The following CDX1 variants were observed in gnomAD, a reference collection of about 807,000 sequenced individuals.
The protein encoded by CDX1 is homeobox protein CDX-1.
CDX1 carries 9 observed loss-of-function variants against 16.9 expected under a neutral mutation model. The observed-to-expected ratio is 0.53, with a 90% CI of 0.32 to 0.93. CDX1 has a LOEUF of 0.93. Ranked by LOEUF, CDX1 falls within the 40% of genes least tolerant of loss-of-function variation. The pLI is 0.04. For synonymous variants in CDX1, 179 were observed against 179.0 expected (o/e 1.00, Z 0.00); for missense variants, 393 against 386.1 (o/e 1.02, Z -0.15).
chr5:150,179,782 G>C (rs1162846423), intron 1 of CDX1, among the ~76,000 whole-genome samples: 1 of 152,198 alleles, frequency 6.6e-6, no homozygotes, highest in Non-Finnish European at 1.5e-5. Flanking sequence ...CCCTCACCAT[G>C]GTCTGGGCTC....
intron 1 of CDX1, among the ~76,000 whole-genome samples, chr5:150,169,850 A>G (rs1761480935): frequency 6.6e-6 from 1 of 151,982 alleles, no homozygotes; most frequent in Non-Finnish European, 1.5e-5. Flanking sequence ...GTTAGAGACC[A>G]CACATGTAGA....
chr5:150,177,035 G>A (rs549169839), intron 1 of CDX1, among the ~76,000 whole-genome samples: 42 of 152,366 alleles, frequency 2.8e-4, no homozygotes, highest in African/African-American at 9.9e-4. Flanking sequence ...CCACACACCC[G>A]GCAGGAAGAG....
chr5:150,176,127 C>T (rs141628707), intron 1 of CDX1, among the ~76,000 whole-genome samples: 124 of 152,320 alleles, frequency 8.1e-4, no homozygotes, highest in African/African-American at 2.9e-3. Flanking sequence ...TAGAGTGTGA[C>T]GCTGCTACAA....
chr5:150,182,885 C>T lies in CDX1; in HGVS notation c.563C>T (p.Ala188Val). The T allele has an allele frequency of 6.2e-7, 1 of 1,611,872 alleles. No individual in the cohort carries two copies. Among genetic ancestry groups the T allele is most frequent in the Non-Finnish European group, 8.5e-7 (1 of 1,178,886 alleles). Reference sequence around the variant, plus strand: ...ACAATCCGGCGGAAATCAGAGCTGGCTGCCAATCTGGGGCTCACTGAACGG... The same window carrying T: ...ACAATCCGGCGGAAATCAGAGCTGGTTGCCAATCTGGGGCTCACTGAACGG... ...YITIRRKSEL[A>V]ANLGLTERQV... is the part of the protein sequence containing the mutation. The change falls in exon 2 of 3, where the codon GCT becomes GTT. Residue 188 changes from alanine to valine, a missense_variant. By Grantham distance (64) the Ala-to-Val change is moderately conservative. Coordinates refer to ENST00000231656, the MANE Select transcript of CDX1 (RefSeq NM_001804.3).
chr5:150,179,310 C>A (rs1761611250), intron 1 of CDX1, among the ~76,000 whole-genome samples: 1 of 152,214 alleles, frequency 6.6e-6, no homozygotes, highest in Non-Finnish European at 1.5e-5. Context: ...CCCACCAGCT[C>A]CTCTCCAGAG....
Position 150,182,790 on chromosome 5 carries a change from G to T in CDX1, c.468G>T (p.Lys156Asn). The T allele has an allele frequency of 2.5e-6, 4 of 1,600,998 alleles. No individual in the cohort carries two copies. The highest frequency in any genetic ancestry group is 3.4e-6 in the Non-Finnish European group (4 of 1,174,440). ...CAGGTAAGACTCGGACCAAGGACAAGTACCGCGTGGTCTACACCGACCACC... is the reference window on the plus strand; with the variant it reads ...CAGGTAAGACTCGGACCAAGGACAATTACCGCGTGGTCTACACCGACCACC... ...GGSGKTRTKDKYRVVYTDHQR... is the reference protein window; with the variant it reads ...GGSGKTRTKDNYRVVYTDHQR... The change falls in exon 2 of 3, where the codon AAG (lysine) becomes AAT (asparagine). Residue 156 changes from lysine to asparagine, a missense_variant. Transcript: ENST00000231656.
At position 150,166,942 on chromosome 5, in the gene CDX1, C is replaced by G; in HGVS notation, c.66C>G (p.Ser22Arg). 6.6e-7 allele frequency: 1 copy of G among 1,504,300 alleles called. No individual in the cohort carries two copies. The highest frequency in any genetic ancestry group is 8.8e-7 in the Non-Finnish European group (1 of 1,133,722). 93.2% of individuals were successfully genotyped at this position (1,504,300 alleles called of 1,614,324 possible). A position where few individuals can be genotyped will look rare whatever the true frequency, so the allele number is the denominator to read the frequency against. The change falls in exon 1 of 3, where the codon AGC becomes AGG. Residue 22 changes from serine (S) to arginine (R), a missense_variant. Transcript: ENST00000231656. ...PVYPGPARPA[S>R]LGLGPQAYGP... ...ACCCCGGCCCAGCCAGGCCAGCCAG[C>G]CTCGGCCTGGGCCCGCAAGCCTACG... is the stretch of plus-strand genomic sequence containing the variant.
chr5:150,172,249 G>T (rs2282809), intron 1 of CDX1, among the ~76,000 whole-genome samples: 1 of 152,064 alleles, frequency 6.6e-6, no homozygotes, highest in African/African-American at 2.4e-5. Context: ...AGTCCCTCAA[G>T]GACCAGTCCT....
chr5:150,170,295 C>T (rs1015621931), intron 1 of CDX1, among the ~76,000 whole-genome samples: 2 of 152,228 alleles, frequency 1.3e-5, no homozygotes, highest in Non-Finnish European at 1.5e-5. Flanking sequence ...ACACCCATCA[C>T]GAATCTTTGC....
chr5:150,183,035 C>T, intron 2 of CDX1, 122 bp downstream of exon 2: 1 of 1,190,330 alleles, frequency 8.4e-7, no homozygotes, highest in Non-Finnish European at 1.2e-6. Context: ...AGGCCATTGT[C>T]ACACAGCACA....
At chr5:150,178,865 GTC>G (rs1349407172) in intron 1 of CDX1, among the ~76,000 whole-genome samples, 1 of 151,268 alleles carries the variant, frequency 6.6e-6, no homozygotes, top group Non-Finnish European at 1.5e-5. Context: ...TTTTTCACAC[GTC>G]TTAGAAATTG....
At chr5:150,176,270 C>T (rs977785976) in intron 1 of CDX1, among the ~76,000 whole-genome samples, 11 of 152,256 alleles carry the variant, frequency 7.2e-5, no homozygotes, top group Non-Finnish European at 1.0e-4. Flanking sequence ...TTTCCTTTGC[C>T]TATTGGCCTT....
intron 1 of CDX1, among the ~76,000 whole-genome samples, chr5:150,178,695 C>T (rs1184567010): frequency 6.6e-6 from 1 of 152,210 alleles, no homozygotes; most frequent in Admixed American, 6.5e-5. Context: ...CTCCCTCCTA[C>T]CTGTGGCTTT....
chr5:150,170,146 C>G (rs1761485130), intron 1 of CDX1, among the ~76,000 whole-genome samples: 2 of 152,214 alleles, frequency 1.3e-5, no homozygotes, highest in Non-Finnish European at 2.9e-5. Flanking sequence ...AGATCTTGTG[C>G]ACATGCTGTT....
At chr5:150,169,651 A>G (rs1761478982) in intron 1 of CDX1, among the ~76,000 whole-genome samples, 1 of 152,140 alleles carries the variant, frequency 6.6e-6, no homozygotes, top group South Asian at 2.1e-4. Flanking sequence ...ATGAAGGCAT[A>G]GGGTTTCCAG....
intron 1 of CDX1, among the ~76,000 whole-genome samples, chr5:150,178,019 C>A (rs1761590617): frequency 6.6e-6 from 1 of 152,208 alleles, no homozygotes; most frequent in Admixed American, 6.5e-5. Context: ...CAACCAACCA[C>A]ACGTTAGGGT....
intron 1 of CDX1, among the ~76,000 whole-genome samples, chr5:150,180,241 G>A (rs1761625190): frequency 1.3e-5 from 2 of 152,238 alleles, no homozygotes; most frequent in Non-Finnish European, 2.9e-5. Flanking sequence ...AGGCCAAGGA[G>A]GGGCCCAATC....
intron 1 of CDX1, among the ~76,000 whole-genome samples, chr5:150,179,294 C>T (rs1282351724): frequency 6.6e-6 from 1 of 152,178 alleles, no homozygotes; most frequent in Non-Finnish European, 1.5e-5. Flanking sequence ...CCAATGGGTT[C>T]CTGAGCCCAC....
intron 1 of CDX1, among the ~76,000 whole-genome samples, chr5:150,176,397 C>T (rs1761569510): frequency 6.6e-6 from 1 of 152,236 alleles, no homozygotes; most frequent in Non-Finnish European, 1.5e-5. Context: ...CCCTGAGCCC[C>T]CTCCTGCCAA....
Sources: gnomAD v4.1 joint callset for allele counts (sites outside exome capture counted in the v4.1 genomes callset) on GRCh38, gnomAD v4.1.1 for gene constraint, MANE v1.5 for transcripts, NCBI Gene and HGNC (gene_info 2026-07-23, HGNC 2026-07-21) for gene names.